The following TRAK1 variants were observed in gnomAD, a reference collection of about 807,000 sequenced individuals.
TRAK1 encodes trafficking kinesin-binding protein 1.
Under a neutral mutation model 92.1 loss-of-function variants are expected in TRAK1, and 33 were observed. The observed-to-expected ratio is 0.36, with a 90% CI of 0.27 to 0.48. The LOEUF (loss-of-function observed/expected upper bound fraction) is 0.48. TRAK1 is among the 20% of genes least tolerant of loss of function. The pLI, the probability that TRAK1 is intolerant of heterozygous loss-of-function variation, is 0.99. For synonymous variants in TRAK1, 521 were observed against 517.3 expected (o/e 1.01, Z -0.10); for missense variants, 1,123 against 1,257.9 (o/e 0.89, Z 1.62).
intron 1 of TRAK1, among the ~76,000 whole-genome samples, chr3:42,100,857 C>A (rs1369999222): frequency 6.6e-6 from 1 of 152,072 alleles, no homozygotes; most frequent in South Asian, 2.1e-4. Flanking sequence ...TTAGTAGAGA[C>A]AGGGTTTCAC....
At chr3:42,145,876 T>C (rs963068929) in intron 2 of TRAK1, 2 of 258,346 alleles carry the variant, frequency 7.7e-6, no homozygotes, top group Admixed American at 5.4e-5. Context: ...AGGGACAACA[T>C]TGTATCTGCA....
At chr3:42,089,682 C>CCG (rs1704894275), upstream of TRAK1, among the ~76,000 whole-genome samples, 1 of 150,564 alleles carries the variant, frequency 6.6e-6, no homozygotes, top group Admixed American at 6.6e-5. Context: ...GTGACCCCCC[C>CCG]CCAATACAGA....
intron 2 of TRAK1, among the ~76,000 whole-genome samples, chr3:42,132,511 C>T (rs556683671): frequency 3.9e-4 from 59 of 152,222 alleles, no homozygotes; most frequent in Middle Eastern, 6.8e-3. Context: ...GCATTCCTCC[C>T]ACCTCAGCCT....
rs781222875 is a variant in TRAK1 at position 42,200,998 on chromosome 3, C to T, written c.1371C>T (p.Val457=). 15 of 1,614,220 alleles carry T rather than the reference C, an allele frequency of 9.3e-6. No homozygotes were observed. Among genetic ancestry groups the T allele is most frequent in the East Asian group, 8.9e-5 (4 of 44,874 alleles). Residue 457 remains valine, a synonymous_variant, in exon 12 of 16, where the codon GTC becomes GTT. Transcript: ENST00000327628. The part of the protein sequence containing the change: ...SSFYGSDIGN[V]VLDNKTNSII... ...TCTACGGCAGCGACATAGGCAACGT[C>T]GTCCTCGACAACAAGACCAACAGCA...
chr3:42,085,818 A>G (rs939984014), upstream of TRAK1, among the ~76,000 whole-genome samples: 2 of 152,260 alleles, frequency 1.3e-5, no homozygotes, highest in African/African-American at 4.8e-5. Context: ...GTATTGTAAT[A>G]GAAATTGAAA....
chr3:42,042,900 CTGTCA>C (rs1702604512), intron 1 of TRAK1, among the ~76,000 whole-genome samples: 1 of 152,056 alleles, frequency 6.6e-6, no homozygotes, highest in Non-Finnish European at 1.5e-5. Flanking sequence ...AGACCATGAC[CTGTCA>C]TGGTCTGGAC....
chr3:42,047,445 C>G (rs1702799783), intron 1 of TRAK1, among the ~76,000 whole-genome samples: 1 of 151,914 alleles, frequency 6.6e-6, no homozygotes, highest in African/African-American at 2.4e-5. Context: ...CTTTAAGCCA[C>G]ATTCCTGCCT....
intron 1 of TRAK1, among the ~76,000 whole-genome samples, chr3:42,079,458 G>A (rs1411754416): frequency 2.0e-5 from 3 of 149,328 alleles, no homozygotes; most frequent in East Asian, 2.0e-4. Flanking sequence ...TGAGTTTGTC[G>A]TGAAGGAAGC....
chr3:42,189,254 C>G (rs62257336), intron 6 of TRAK1, 130 bp downstream of exon 6: 1 of 660,910 alleles, frequency 1.5e-6, no homozygotes, highest in Non-Finnish European at 2.7e-6. Flanking sequence ...ACCAGGCGCT[C>G]GGCAGATGTG....
At chr3:42,100,395 G>A in intron 1 of TRAK1, among the ~76,000 whole-genome samples, 1 of 152,190 alleles carries the variant, frequency 6.6e-6, no homozygotes, top group East Asian at 1.9e-4. Context: ...GGTGACAGGT[G>A]AGGCAGGTAA....
chr3:42,214,503 A>G (rs1013686184), intron 14 of TRAK1, among the ~76,000 whole-genome samples: 1 of 152,230 alleles, frequency 6.6e-6, no homozygotes, highest in Non-Finnish European at 1.5e-5. Flanking sequence ...AGCATTCTAA[A>G]AATCCCCCTC....
chr3:42,153,388 T>A (rs1207782615), intron 2 of TRAK1, among the ~76,000 whole-genome samples: 1 of 151,538 alleles, frequency 6.6e-6, no homozygotes, highest in Non-Finnish European at 1.5e-5. Flanking sequence ...CAGAGTGAGA[T>A]CCTGTCTTAA....
chr3:42,092,680 T>TG (rs1435289894), intron 1 of TRAK1, among the ~76,000 whole-genome samples: 5 of 103,398 alleles, frequency 4.8e-5, no homozygotes, highest in East Asian at 2.8e-4. Flanking sequence ...TTCCTTTTAT[T>TG]TTGTTGTGTT....
At chr3:42,211,288 T>C (rs1457946356) in intron 14 of TRAK1, 17 of 985,338 alleles carry the variant, frequency 1.7e-5, no homozygotes, top group Non-Finnish European at 2.0e-5. Context: ...GGATCAACTT[T>C]TCCTTTTTTC....
At chr3:42,135,193 C>T (rs1697791478) in intron 2 of TRAK1, among the ~76,000 whole-genome samples, 1 of 152,196 alleles carries the variant, frequency 6.6e-6, no homozygotes, top group African/African-American at 2.4e-5. Context: ...ATGTTATGCT[C>T]ATTTCACCTA....
intron 1 of TRAK1, among the ~76,000 whole-genome samples, chr3:42,079,162 A>G (rs1704306670): frequency 6.6e-6 from 1 of 152,222 alleles, no homozygotes; most frequent in African/African-American, 2.4e-5. Context: ...CTATTATTTC[A>G]AGCCACTCAA....
intron 15 of TRAK1, 104 bp from the exon 16 acceptor site, chr3:42,222,838 G>C: frequency 8.2e-7 from 1 of 1,225,598 alleles, no homozygotes. Context: ...CCCTCTCATC[G>C]TGTCCTGGGT....
At chr3:42,105,396 A>G (rs555691764) in intron 1 of TRAK1, among the ~76,000 whole-genome samples, 112 of 152,366 alleles carry the variant, frequency 7.4e-4, no homozygotes, top group Middle Eastern at 6.8e-3. Flanking sequence ...AGCCGATTTG[A>G]TCAACTGGAA....
Position 42,074,550 on chromosome 3 carries a change from C to T in TRAK1, c.-518-12554C>T, listed in dbSNP as rs1390901958. The stretch of plus-strand genomic sequence containing the variant: ...GAGTGCCCACCCTGATTCCAAGTGA[C>T]TGTCTGCAAGTTAGCTAGCTTTCTA... On this transcript the variant is annotated intron_variant, in intron 1 of 16. Coordinates refer to the TRAK1 transcript ENST00000487159. Among the ~76,000 whole-genome samples the T allele has an allele frequency of 2.0e-5, 3 of 152,192 alleles. No homozygotes were observed. In the East Asian group the frequency reaches 5.8e-4, roughly 29 times the overall value.
Sources: allele counts gnomAD v4.1 joint callset (sites outside exome capture counted in the v4.1 genomes callset), GRCh38; gene constraint gnomAD v4.1.1; transcripts MANE v1.5; gene names NCBI Gene and HGNC (gene_info 2026-07-23, HGNC 2026-07-21).